The following ZMYM2 variants were observed in gnomAD, a reference collection of about 807,000 sequenced individuals.
The protein encoded by ZMYM2 is zinc finger MYM-type protein 2.
Under a neutral mutation model 162.8 loss-of-function variants are expected in ZMYM2, and 56 were observed. The observed-to-expected ratio is 0.34, with a 90% CI of 0.28 to 0.43. The LOEUF is 0.43. ZMYM2 is among the 20% of genes least tolerant of loss of function. The pLI is 1.00. For synonymous variants in ZMYM2, 510 were observed against 541.6 expected (o/e 0.94, Z 0.81); for missense variants, 1,275 against 1,621.8 (o/e 0.79, Z 3.67).
rs150987134 is a variant in ZMYM2 at position 19,992,707 on chromosome 13, G to T, written c.-10-356G>T. Among the ~76,000 whole-genome samples, 13 of 152,028 alleles carry T rather than the reference G, an allele frequency of 8.6e-5. No individual in the cohort carries two copies. The East Asian group carries it at 2.5e-3, about 29-fold the overall frequency. On this transcript the variant is annotated intron_variant, in intron 2 of 24. Transcript: ENST00000610343. ...TTTTTTTTCCTGTTCAGATGTGTGG[G>T]AGGATTTATCCATATTTTTAGTGAT... is the stretch of plus-strand genomic sequence containing the variant.
At position 20,013,518 on chromosome 13, in the gene ZMYM2, A is replaced by G. The variant is rs556970218; in HGVS notation, c.1513-6029A>G. ...AGTGGGCGTCCTTGTTGCTGATCTT[A>G]GAGGAAAATAATTTTTTTACCATTG... On this transcript the variant is annotated intron_variant, in intron 6 of 24. Transcript: ENST00000610343. Among the ~76,000 whole-genome samples, 15 of 152,334 alleles carry G rather than the reference A, an allele frequency of 9.8e-5. 1 individual carries two copies. In the South Asian group the frequency reaches 2.9e-3, roughly 29 times the overall value.
At chr13:19,881,350 G>A in the ZMYM2 span, among the ~76,000 whole-genome samples, 2 of 151,926 alleles carry the variant, frequency 1.3e-5, no homozygotes, top group Admixed American at 6.6e-5. Context: ...GGCCTGGTGC[G>A]GTGGCTCACA....
At chr13:19,873,380 T>TTCTA in the ZMYM2 span, among the ~76,000 whole-genome samples, 1 of 136,872 alleles carries the variant, frequency 7.3e-6, no homozygotes, top group Non-Finnish European at 1.6e-5. Context: ...ACAGAGTCAA[T>TTCTA]TTTATTTATT....
In ZMYM2 at chr13:20,059,637, C is replaced by G. The variant is rs1444968243; in HGVS notation, c.2739+75C>G. ...TTGGGAAAACAGTGTACAGTTGACC[C>G]TTGAACAACAAGAGTTTGAACTCCA... On this transcript the variant is annotated intron_variant, in intron 16 of 24. Transcript: ENST00000610343. The G allele has an allele frequency of 1.2e-5, 9 of 752,330 alleles. No homozygotes were observed. The East Asian group carries it at 2.3e-4, about 19-fold the overall frequency. 46.6% of individuals were successfully genotyped at this position (752,330 alleles called of 1,614,324 possible).
rs1958276908 is a variant in ZMYM2 at position 20,086,521 on chromosome 13, TGTTTG to T, written c.*512_*516del. 9.3e-6 allele frequency: 2 copies of T among 215,858 alleles called. No homozygotes were observed. Among genetic ancestry groups the T allele is most frequent in the Admixed American group, 5.8e-5 (1 of 17,142 alleles). 13.4% of individuals were successfully genotyped at this position (215,858 alleles called of 1,614,324 possible). A position where few individuals can be genotyped will look rare whatever the true frequency, so the allele number is the denominator to read the frequency against. Reference sequence around the variant, plus strand: ...TTTGTTTTGTTTTGGGGTTTTGTTTTGTTTGGTTTTACATTTTAGTTACTGAAGCC... The same window carrying T: ...TTTGTTTTGTTTTGGGGTTTTGTTTTGTTTTACATTTTAGTTACTGAAGCC... On this transcript the variant is annotated 3_prime_UTR_variant, in exon 25 of 25. Coordinates refer to ENST00000610343, the MANE Select transcript of ZMYM2 (RefSeq NM_197968.4).
chr13:19,907,761 C>CAAAAA, the ZMYM2 span, among the ~76,000 whole-genome samples: 654 of 39,082 alleles, frequency 0.017, 193 homozygotes, highest in Middle Eastern at 0.056. Context: ...GACTCTGTCT[C>CAAAAA]AAAAAAAAAA....
the ZMYM2 span, among the ~76,000 whole-genome samples, chr13:19,867,391 T>C: frequency 4.0e-5 from 6 of 151,208 alleles, no homozygotes; most frequent in East Asian, 3.9e-4. Context: ...TATTCTTAAA[T>C]TGTCATCCCA....
chr13:19,870,550 TCTTCCTTC>T, the ZMYM2 span, among the ~76,000 whole-genome samples: 3 of 114,748 alleles, frequency 2.6e-5, no homozygotes, highest in Non-Finnish European at 3.5e-5. Flanking sequence ...TTTCTTTCTT[TCTTCCTTC>T]CTTCCTTCCT....
chr13:20,069,481 T>C (rs259784), intron 21 of ZMYM2, among the ~76,000 whole-genome samples: 148,485 of 151,056 alleles, frequency 0.98, 73,030 homozygotes, highest in Middle Eastern at 1. Context: ...CTTAGTTGAC[T>C]GAGAATTTTT....
chr13:19,914,312 C>A, the ZMYM2 span, among the ~76,000 whole-genome samples: 1 of 152,220 alleles, frequency 6.6e-6, no homozygotes, highest in Non-Finnish European at 1.5e-5. Flanking sequence ...ATTCTGTGGA[C>A]ACCAGTTTGC....
chr13:19,914,983 CA>C, the ZMYM2 span, among the ~76,000 whole-genome samples: 1 of 152,118 alleles, frequency 6.6e-6, no homozygotes, highest in Non-Finnish European at 1.5e-5. Flanking sequence ...GTCCAAGTAT[CA>C]AAGGGTGGAA....
At chr13:19,874,774 C>T in the ZMYM2 span, among the ~76,000 whole-genome samples, 2 of 152,114 alleles carry the variant, frequency 1.3e-5, no homozygotes, top group Non-Finnish European at 2.9e-5. Flanking sequence ...ATTAAGCCTA[C>T]TACAGCTAGT....
At chr13:19,888,587 ATTTATTTATTTG>A in the ZMYM2 span, among the ~76,000 whole-genome samples, 2 of 151,676 alleles carry the variant, frequency 1.3e-5, no homozygotes, top group Non-Finnish European at 2.9e-5. Flanking sequence ...GATCCTCTTC[ATTTATTTATTTG>A]TTTATTTATT....
At chr13:19,892,228 C>G in the ZMYM2 span, among the ~76,000 whole-genome samples, 1 of 151,726 alleles carries the variant, frequency 6.6e-6, no homozygotes, top group Non-Finnish European at 1.5e-5. Context: ...CGAGTGTGAG[C>G]CACCACTCTC....
chr13:19,923,598 A>T, the ZMYM2 span, among the ~76,000 whole-genome samples: 1 of 148,160 alleles, frequency 6.7e-6, no homozygotes, highest in East Asian at 2.0e-4. Context: ...GGCTTAAGCG[A>T]TCCTTACACC....
chr13:20,057,691 A>G (rs1955910131), intron 14 of ZMYM2, among the ~76,000 whole-genome samples: 1 of 152,180 alleles, frequency 6.6e-6, no homozygotes, highest in South Asian at 2.1e-4. Flanking sequence ...ATATTGTTTT[A>G]TTATTAAAAA....
the ZMYM2 span, among the ~76,000 whole-genome samples, chr13:19,896,033 A>T: frequency 1.4e-5 from 2 of 147,342 alleles, no homozygotes; most frequent in Admixed American, 6.8e-5. Flanking sequence ...TTCTGATTCC[A>T]TTTTTTTTTT....
intron 12 of ZMYM2, among the ~76,000 whole-genome samples, chr13:20,050,897 AGTT>A (rs573071289): frequency 7.2e-4 from 109 of 152,208 alleles, no homozygotes; most frequent in East Asian, 6.4e-3. Context: ...TAGAACATAA[AGTT>A]GTTATTAAAA....
At chr13:19,886,242 G>T in the ZMYM2 span, among the ~76,000 whole-genome samples, 2 of 132,968 alleles carry the variant, frequency 1.5e-5, no homozygotes, top group Non-Finnish European at 3.1e-5. Flanking sequence ...TCGGCTCATC[G>T]CAACTTCCGC....
Sources: gnomAD v4.1 joint callset for allele counts (sites outside exome capture counted in the v4.1 genomes callset) on GRCh38, gnomAD v4.1.1 for gene constraint, MANE v1.5 for transcripts, NCBI Gene and HGNC (gene_info 2026-07-23, HGNC 2026-07-21) for gene names.